Variants in KMT2A observed in about 807,000 individuals in gnomAD.
KMT2A encodes the protein lysine methyltransferase 2A.
Under a neutral mutation model 345.3 loss-of-function variants are expected in KMT2A, and 16 were observed. The observed-to-expected ratio is 0.05, with a 90% CI of 0.03 to 0.07. The LOEUF is 0.07. KMT2A is among the 10% of genes least tolerant of loss of function. The pLI is 1.00. For missense variants in KMT2A, 3,272 were observed against 4,841.6 expected (o/e 0.68, Z 9.62); for synonymous variants, 1,599 against 1,778.6 (o/e 0.90, Z 2.54).
rs537245615 is a variant in KMT2A at position 118,503,947 on chromosome 11, C to T, written c.8055C>T (p.Tyr2685=). Residue 2685 remains tyrosine (Y), a synonymous_variant, in exon 27 of 36, where the codon TAC becomes TAT. Coordinates refer to ENST00000534358, the MANE Select transcript of KMT2A (RefSeq NM_001197104.2). The surrounding 1 kb of genome is among the most constrained non-coding windows in gnomAD (Gnocchi z 5.3). ...CAGATGAAGACGACTTATACTATTA[C>T]AACTTCACTAGAACAGTGATTTCTT... ...STSDEDDLYY[Y]NFTRTVISSG... is the part of the protein sequence containing the mutation. The T allele has an allele frequency of 1.2e-5, 20 of 1,614,070 alleles. No homozygotes were observed. The highest frequency in any genetic ancestry group is 3.3e-5 in the South Asian group (3 of 91,088).
chr11:118,475,452 G>C (rs562597737), intron 3 of KMT2A, among the ~76,000 whole-genome samples: 3 of 152,138 alleles, frequency 2.0e-5, no homozygotes, highest in Non-Finnish European at 2.9e-5. Context: ...GGCTGGGTAC[G>C]GTGGCTTACG....
Position 118,502,478 on chromosome 11 carries a change from A to G in KMT2A, c.6586A>G (p.Arg2196Gly). The change falls in exon 27 of 36, where the codon AGG becomes GGG. Residue 2196 changes from arginine (R) to glycine (G), a missense_variant. Physicochemically the swap from Arg to Gly is moderately radical, Grantham distance 125. Around this residue, in one of 27 missense-constraint regions of KMT2A, gnomAD observed 445 missense variants for 500.9 expected, o/e 0.89. Transcript: ENST00000534358. The surrounding 1 kb of genome is among the most constrained non-coding windows in gnomAD (Gnocchi z 4.9). ...LSSGLRSIGS[R>G]RHSTSSLSPQ... ...CTCTGGACTTCGAAGCATTGGCTCC[A>G]GGCGTCACAGTACCTCTTCCTTATC... 1 of 1,614,058 alleles carries G rather than the reference A, an allele frequency of 6.2e-7. No individual in the cohort carries two copies. Among genetic ancestry groups the G allele is most frequent in the Non-Finnish European group, 8.5e-7 (1 of 1,179,944 alleles).
intron 1 of KMT2A, among the ~76,000 whole-genome samples, chr11:118,454,290 C>G (rs1555029977): frequency 6.6e-6 from 1 of 152,212 alleles, no homozygotes; most frequent in Non-Finnish European, 1.5e-5. Context: ...GGCCTCTGGT[C>G]AAGCCTACTT....
rs1555036655 is a variant in KMT2A, at chr11:118,473,786, G to C, written c.2627G>C (p.Arg876Thr). The change falls in exon 3 of 36, where the codon AGA (arginine) becomes ACA (threonine). Residue 876 changes from arginine (R) to threonine (T), a missense_variant. Arg to Thr is a moderately conservative substitution (Grantham distance 71). Around this residue, in one of 27 missense-constraint regions of KMT2A, gnomAD observed 209 missense variants for 237.4 expected, o/e 0.88. Transcript: ENST00000534358. The surrounding 1 kb of genome is among the most constrained non-coding windows in gnomAD (Gnocchi z 5.2). ...GTGGAGAAGGACAAGAGTAGAGAGA[G>C]AGACCGGGAGAGAGAAAAGGAGAAT... ...KSVEKDKSRE[R>T]DREREKENKR... is the part of the protein sequence containing the mutation. 1 of 1,614,036 alleles carries C rather than the reference G, an allele frequency of 6.2e-7. No individual in the cohort carries two copies.
At chr11:118,470,392 A>C (rs1292566448) in intron 2 of KMT2A, among the ~76,000 whole-genome samples, 2 of 151,914 alleles carry the variant, frequency 1.3e-5, no homozygotes, top group African/African-American at 4.8e-5. Flanking sequence ...CAACTTTTTC[A>C]TGGTAGTTTC....
At chr11:118,478,699 G>A (rs1950080231) in intron 5 of KMT2A, among the ~76,000 whole-genome samples, 1 of 152,138 alleles carries the variant, frequency 6.6e-6, no homozygotes, top group Non-Finnish European at 1.5e-5. Context: ...AAACATTGGA[G>A]ATACCTTGCA....
chr11:118,497,306 A>G lies in KMT2A; in HGVS notation c.5665-630A>G, dbSNP rs1555044280. On this transcript the variant is annotated intron_variant, in intron 20 of 35. Transcript: ENST00000534358. This position sits in a 1 kb window ranked among gnomAD's most constrained non-coding sequence, Gnocchi z 4.8. ...GCGTGAGCCACCGTGCCCGGCCAAA[A>G]GCTTTTAAATACCATCTGAGAGAAC... 6.6e-6 allele frequency among the ~76,000 whole-genome samples: 1 copy of G among 152,108 alleles called. No homozygotes were observed. The highest frequency in any genetic ancestry group is 6.5e-5 in the Admixed American group (1 of 15,272).
chr11:118,498,128 T>C lies in KMT2A; in HGVS notation c.5802+55T>C. ...GAGATTCCCTCTCAGTTTCCAGATA[T>C]TCTTCCTGTGGGTGAATATGGCCTC... On this transcript the variant is annotated intron_variant, in intron 21 of 35. Coordinates refer to ENST00000534358, the MANE Select transcript of KMT2A (RefSeq NM_001197104.2). This position sits in a 1 kb window ranked among gnomAD's most constrained non-coding sequence, Gnocchi z 4.4. 8 of 1,590,964 alleles carry C rather than the reference T, an allele frequency of 5.0e-6. No individual in the cohort carries two copies. Among genetic ancestry groups the C allele is most frequent in the South Asian group, 1.1e-5 (1 of 89,360 alleles).
At position 118,497,917 on chromosome 11, in the gene KMT2A, A is replaced by G. The variant is rs1396615130; in HGVS notation, c.5665-19A>G. On this transcript the variant is annotated intron_variant, in intron 20 of 35. Coordinates refer to ENST00000534358, the MANE Select transcript of KMT2A (RefSeq NM_001197104.2). This position sits in a 1 kb window ranked among gnomAD's most constrained non-coding sequence, Gnocchi z 4.8. Reference sequence around the variant, plus strand: ...GGCATTATATTCTTTAGGAAAAAAGAAATCTCTTTATTTTATAGGATGCTG... The same window carrying G: ...GGCATTATATTCTTTAGGAAAAAAGGAATCTCTTTATTTTATAGGATGCTG... The G allele has an allele frequency of 6.3e-7, 1 of 1,598,312 alleles. No individual in the cohort carries two copies. Among genetic ancestry groups the G allele is most frequent in the Non-Finnish European group, 8.6e-7 (1 of 1,167,396 alleles).
At chr11:118,479,994 T>C (rs1030587633) in intron 5 of KMT2A, among the ~76,000 whole-genome samples, 180 bp from the exon 6 acceptor site, 3 of 152,168 alleles carry the variant, frequency 2.0e-5, no homozygotes, top group Non-Finnish European at 4.4e-5. Context: ...GTAGGTGAAA[T>C]TGCTGATCCA....
At chr11:118,474,495 C>A (rs1949998421) in intron 3 of KMT2A, among the ~76,000 whole-genome samples, 180 bp downstream of exon 3, 2 of 152,028 alleles carry the variant, frequency 1.3e-5, no homozygotes, top group South Asian at 4.1e-4. Context: ...TAGAAAGTGG[C>A]AGGACATAAC....
intron 1 of KMT2A, among the ~76,000 whole-genome samples, chr11:118,465,013 C>T (rs515934): frequency 6.6e-6 from 1 of 152,224 alleles, no homozygotes; most frequent in Non-Finnish European, 1.5e-5. Context: ...TCTCATCAAA[C>T]AAGGGCAACT....
In KMT2A at chr11:118,494,067, A is replaced by G. The variant is rs1415929598; in HGVS notation, c.5179-221A>G. ...TGGATAATTTATCATGATACAGCCA[A>G]TTTGTTTGCATTCTTACCTCATTAG... is the stretch of plus-strand genomic sequence containing the variant. On this transcript the variant is annotated intron_variant, in intron 16 of 35. Transcript: ENST00000534358. This position sits in a 1 kb window ranked among gnomAD's most constrained non-coding sequence, Gnocchi z 5.8. 6.6e-6 allele frequency among the ~76,000 whole-genome samples: 1 copy of G among 152,158 alleles called. No homozygotes were observed. Among genetic ancestry groups the G allele is most frequent in the African/African-American group, 2.4e-5 (1 of 41,430 alleles).
Position 118,490,112 on chromosome 11 carries a change from C to G in KMT2A, c.4576-17C>G, listed in dbSNP as rs782348341. 23 of 1,597,398 alleles carry G rather than the reference C, an allele frequency of 1.4e-5. No homozygotes were observed. The highest frequency in any genetic ancestry group is 1.7e-4 in the Middle Eastern group (1 of 6,008). ...AAAACAAGAAATTCCTATTGAATTTCTTTTCTTCTTTTCTAGATCTGTACC... is the reference window on the plus strand; with the variant it reads ...AAAACAAGAAATTCCTATTGAATTTGTTTTCTTCTTTTCTAGATCTGTACC... On this transcript the variant is annotated splice_polypyrimidine_tract_variant and intron_variant, in intron 12 of 35. Transcript: ENST00000534358. The surrounding 1 kb of genome is among the most constrained non-coding windows in gnomAD (Gnocchi z 4.2).
Position 118,502,870 on chromosome 11 carries a change from G to A in KMT2A, c.6978G>A (p.Val2326=), listed in dbSNP as rs1249027142. The part of the protein sequence containing the change: ...SKSSEGSAHN[V]AYPGIPKLAP... ...GCTCAGAGGGATCTGCACATAATGT[G>A]GCTTACCCTGGAATTCCTAAACTGG... Residue 2326 remains valine, a synonymous_variant, in exon 27 of 36, where the codon GTG becomes GTA. Coordinates refer to ENST00000534358, the MANE Select transcript of KMT2A (RefSeq NM_001197104.2). The surrounding 1 kb of genome is among the most constrained non-coding windows in gnomAD (Gnocchi z 4.9). The A allele has an allele frequency of 6.2e-7, 1 of 1,614,002 alleles. No homozygotes were observed. The highest frequency in any genetic ancestry group is 8.5e-7 in the Non-Finnish European group (1 of 1,180,030).
intron 27 of KMT2A, 132 bp from the exon 28 acceptor site, chr11:118,507,397 A>G (rs1322384511): frequency 2.8e-6 from 2 of 710,932 alleles, no homozygotes; most frequent in African/African-American, 3.5e-5. Context: ...AACCTTTATG[A>G]CCTTAGGTCA....
In KMT2A at chr11:118,436,563, GGGC is replaced by G. The variant is rs1407741917; in HGVS notation, c.63_65del (p.Gly23del). 4.7e-5 allele frequency: 56 copies of G among 1,202,652 alleles called. No homozygotes were observed. Among genetic ancestry groups the G allele is most frequent in the East Asian group, 1.0e-4 (3 of 29,944 alleles). 74.5% of individuals were successfully genotyped at this position (1,202,652 alleles called of 1,614,324 possible). A position where few individuals can be genotyped will look rare whatever the true frequency, so the allele number is the denominator to read the frequency against. ...TCCCCGCCCGACCCGGGACCACCGG[GGGC>G]GGCGGCGGCGGGGGGCGCCGGGGCC... On this transcript the variant is annotated inframe_deletion, in exon 1 of 36. Transcript: ENST00000534358. The surrounding 1 kb of genome is among the most constrained non-coding windows in gnomAD (Gnocchi z 6.9).
At chr11:118,514,671 T>C (rs1369828304) in intron 31 of KMT2A, among the ~76,000 whole-genome samples, 1 of 152,100 alleles carries the variant, frequency 6.6e-6, no homozygotes, top group African/African-American at 2.4e-5. Context: ...TTCTTTCCTG[T>C]TGCCCAGGCT....
rs1409136772 is a variant in KMT2A at position 118,520,280 on chromosome 11, C to T, written c.11429+216C>T. On this transcript the variant is annotated intron_variant, in intron 33 of 35. Coordinates refer to ENST00000534358, the MANE Select transcript of KMT2A (RefSeq NM_001197104.2). This position sits in a 1 kb window ranked among gnomAD's most constrained non-coding sequence, Gnocchi z 4.3. ...CAAAGAACTGTAAGATGCCTGTTTT[C>T]TTTAATGATAGTATACTCTGTCAGC... The T allele has an allele frequency of 7.3e-6, 4 of 546,804 alleles. No homozygotes were observed. The highest frequency in any genetic ancestry group is 1.3e-5 in the Non-Finnish European group (4 of 309,804). The allele number at this position is 546,804 out of a possible 1,614,324, so 33.9% of individuals were successfully genotyped here.
Sources: allele counts gnomAD v4.1 joint callset (sites outside exome capture counted in the v4.1 genomes callset), GRCh38; gene constraint gnomAD v4.1.1; regional missense constraint gnomAD v4.1.1; non-coding constraint Gnocchi (gnomAD v3.1); transcripts MANE v1.5; gene names NCBI Gene and HGNC (gene_info 2026-07-23, HGNC 2026-07-21).